SETX: variants seen among roughly 807,000 people sequenced by gnomAD.
SETX encodes the protein helicase senataxin.
In SETX, 90 loss-of-function variants were observed where a neutral mutation model predicts 227.2. The observed-to-expected ratio is 0.40, with a 90% CI of 0.33 to 0.47. The LOEUF (loss-of-function observed/expected upper bound fraction) is 0.47. Among genes scored for constraint, SETX ranks in the 20% least tolerant of loss-of-function variants. SETX has a pLI of 0.91. For synonymous variants in SETX, 1,210 were observed against 1,113.2 expected, an observed-to-expected ratio of 1.09 and a Z score of -1.73; for missense variants, 3,052 against 3,181.5, an observed-to-expected ratio of 0.96 and a Z score of 0.98.
intron 5 of SETX, 86 bp downstream of exon 5, chr9:132,342,604 A>G (rs1848045494): frequency 2.9e-6 from 3 of 1,037,072 alleles, no homozygotes; most frequent in Middle Eastern, 2.0e-4. Context: ...CATTTTAAAC[A>G]AAATCCACAC....
chr9:132,332,834 T>C (rs1420498096), intron 7 of SETX, among the ~76,000 whole-genome samples: 1 of 149,356 alleles, frequency 6.7e-6, no homozygotes, highest in African/African-American at 2.5e-5. Flanking sequence ...GGCAGGAGGA[T>C]GACTTGAGCC....
intron 10 of SETX, among the ~76,000 whole-genome samples, chr9:132,314,158 T>A (rs1237442581): frequency 6.6e-6 from 1 of 152,128 alleles, no homozygotes; most frequent in Non-Finnish European, 1.5e-5. Context: ...AATGGTGCGA[T>A]CTCGGCTCAC....
chr9:132,288,491 G>C (rs1011379791), intron 16 of SETX, 59 bp downstream of exon 16: 30 of 1,483,538 alleles, frequency 2.0e-5, no homozygotes, highest in Non-Finnish European at 2.6e-5. Context: ...TAGTGCCCAA[G>C]TCATTTTCCA....
chr9:132,338,781 AAG>A (rs1384444581), intron 5 of SETX, among the ~76,000 whole-genome samples: 1 of 152,066 alleles, frequency 6.6e-6, no homozygotes, highest in Non-Finnish European at 1.5e-5. Flanking sequence ...TTTTTTGAGA[AAG>A]AGTCTCACTC....
At chr9:132,268,424 C>G (rs1670299248) in intron 25 of SETX, among the ~76,000 whole-genome samples, 1 of 152,210 alleles carries the variant, frequency 6.6e-6, no homozygotes, top group Non-Finnish European at 1.5e-5. Context: ...CGGCTTAAAT[C>G]CAGGAGGCGG....
Position 132,327,855 on chromosome 9 carries a change from T to C in SETX, c.3743A>G (p.Asp1248Gly), listed in dbSNP as rs775860600. The change falls in exon 10 of 26, where the codon GAT becomes GGT. Residue 1248 changes from aspartate (D) to glycine (G), a missense_variant. Coordinates refer to ENST00000224140, the MANE Select transcript of SETX (RefSeq NM_015046.7). The stretch of plus-strand genomic sequence containing the variant: ...ACTTCTATTCTGTCCTTTTTTGGCA[T>C]CTGAATGAGTTTTCTTAGGGGTCTT... ...VSKTPKKTHS[D>G]AKKGQNRSSN... The C allele has an allele frequency of 6.2e-7, 1 of 1,614,210 alleles. No homozygotes were observed. The highest frequency in any genetic ancestry group is 1.1e-5 in the South Asian group (1 of 91,084).
In SETX at chr9:132,326,520, G is replaced by A. The variant is rs1333318477; in HGVS notation, c.5078C>T (p.Ser1693Leu). ...GAAGGTGTCAGAGACAGACTGTGAT[G>A]ACAAAAGAATGTTTACTGGAGAGGA... ...PSSSPVNILLSSQSVSDTFVK... is the reference protein window; with the variant it reads ...PSSSPVNILLLSQSVSDTFVK... Residue 1693 changes from serine (S) to leucine (L), a missense_variant, in exon 10 of 26, where the codon TCA becomes TTA. Transcript: ENST00000224140. 1.2e-6 allele frequency: 2 copies of A among 1,614,176 alleles called. No individual in the cohort carries two copies. The highest frequency in any genetic ancestry group is 1.7e-6 in the Non-Finnish European group (2 of 1,180,034).
chr9:132,355,698 C>A (rs1324201156), upstream of SETX, among the ~76,000 whole-genome samples: 2 of 151,436 alleles, frequency 1.3e-5, no homozygotes, highest in African/African-American at 2.4e-5. Flanking sequence ...TAAAACTCAG[C>A]CACCGAGGCC....
intron 4 of SETX, among the ~76,000 whole-genome samples, chr9:132,345,067 C>A (rs1054214563): frequency 6.6e-6 from 1 of 152,082 alleles, no homozygotes; most frequent in African/African-American, 2.4e-5. Context: ...CCTCACCCCC[C>A]AAAAGGGGTA....
At chr9:132,292,460 TCATTAATGACATTTAAA>T (rs1241209340) in intron 15 of SETX, among the ~76,000 whole-genome samples, 10 of 139,456 alleles carry the variant, frequency 7.2e-5, no homozygotes, top group Non-Finnish European at 1.3e-4. Context: ...AGACTTATAA[TCATTAATGACATTTAAA>T]CAGCAAATAG....
At chr9:132,307,782 G>A (rs10117328) in intron 11 of SETX, among the ~76,000 whole-genome samples, 37,800 of 151,222 alleles carry the variant, frequency 0.25, 5,985 homozygotes, top group East Asian at 0.67. Context: ...GGGTTCAAGC[G>A]ATTCTCCTGC....
chr9:132,315,241 A>G (rs1030054227), intron 10 of SETX, among the ~76,000 whole-genome samples: 4 of 152,174 alleles, frequency 2.6e-5, no homozygotes, highest in African/African-American at 9.7e-5. Context: ...TTAAAACAAC[A>G]GCTGTTTCAC....
At chr9:132,281,681 C>T in intron 19 of SETX, 107 bp from the exon 20 acceptor site, 4 of 797,704 alleles carry the variant, frequency 5.0e-6, no homozygotes, top group Non-Finnish European at 6.4e-6. Context: ...CACACTTCTC[C>T]TGCACCAAAT....
chr9:132,328,810 T>C lies in SETX; in HGVS notation c.2788A>G (p.Ser930Gly), dbSNP rs770694223. The change falls in exon 10 of 26, where the codon AGT (serine) becomes GGT (glycine). Residue 930 changes from serine to glycine, a missense_variant. By Grantham distance (56) the Ser-to-Gly change is moderately conservative. Coordinates refer to ENST00000224140, the MANE Select transcript of SETX (RefSeq NM_015046.7). ...PESRDEEMSN[S>G]TSVIYSNLTR... is the part of the protein sequence containing the mutation. ...AAGTTAGAATAAATCACACTGGTACTATTACTCATCTCCTCATCTCTTGAT... is the reference window on the plus strand; with the variant it reads ...AAGTTAGAATAAATCACACTGGTACCATTACTCATCTCCTCATCTCTTGAT... 2.2e-5 allele frequency: 36 copies of C among 1,612,194 alleles called. No individual in the cohort carries two copies. The highest frequency in any genetic ancestry group is 1.6e-4 in the Middle Eastern group (1 of 6,076).
rs767515528 is a variant in SETX at position 132,264,846 on chromosome 9, G to A, written c.7427C>T (p.Pro2476Leu). Residue 2476 changes from proline (P) to leucine (L), a missense_variant, in exon 26 of 26, where the codon CCT becomes CTT. Pro to Leu is a moderately conservative substitution (Grantham distance 98). Around this residue, in one of 10 missense-constraint regions of SETX, gnomAD observed 294 missense variants for 278.8 expected, o/e 1.05. Coordinates refer to ENST00000224140, the MANE Select transcript of SETX (RefSeq NM_015046.7). ...GGACCCCTCTGGGGCTATGGTAGGA[G>A]GGTGAGTGAGACTTCTCTGCAGCAC... The part of the protein sequence containing the change: ...KPVLQRSLTH[P>L]PTIAPEGSRP... 8 of 1,614,098 alleles carry A rather than the reference G, an allele frequency of 5.0e-6. No homozygotes were observed. The highest frequency in any genetic ancestry group is 1.3e-5 in the African/African-American group (1 of 74,930).
At chr9:132,273,108 A>G (rs1842977503) in intron 23 of SETX, among the ~76,000 whole-genome samples, 1 of 152,010 alleles carries the variant, frequency 6.6e-6, no homozygotes, top group Non-Finnish European at 1.5e-5. Flanking sequence ...AAAAAACAAC[A>G]CAACACTAAG....
At chr9:132,319,687 T>C (rs1424102591) in intron 10 of SETX, among the ~76,000 whole-genome samples, 1 of 152,170 alleles carries the variant, frequency 6.6e-6, no homozygotes, top group Non-Finnish European at 1.5e-5. Flanking sequence ...CTCACAACAA[T>C]TCATCATTTC....
chr9:132,353,220 C>T (rs1422485755), intron 2 of SETX, among the ~76,000 whole-genome samples: 1 of 152,132 alleles, frequency 6.6e-6, no homozygotes, highest in Non-Finnish European at 1.5e-5. Context: ...CTCTTTCCTC[C>T]ACACTTACCT....
At chr9:132,274,568 A>G (rs1263386496) in intron 23 of SETX, among the ~76,000 whole-genome samples, 1 of 151,218 alleles carries the variant, frequency 6.6e-6, no homozygotes, top group Non-Finnish European at 1.5e-5. Flanking sequence ...CAGCCTTCCG[A>G]GTAGCAGGGA....
Sources: gnomAD v4.1 joint callset for allele counts (sites outside exome capture counted in the v4.1 genomes callset) on GRCh38, gnomAD v4.1.1 for gene constraint, gnomAD v4.1.1 regional missense constraint, MANE v1.5 for transcripts, NCBI Gene and HGNC (gene_info 2026-07-23, HGNC 2026-07-21) for gene names.